Variants in MRTFA observed in about 807,000 individuals in gnomAD.
MRTFA encodes myocardin related transcription factor A, also known as myocardin-related transcription factor A.
MRTFA carries 20 observed loss-of-function variants against 83.5 expected under a neutral mutation model. The observed-to-expected ratio is 0.24, with a 90% CI of 0.17 to 0.35. The LOEUF (loss-of-function observed/expected upper bound fraction) is 0.35. Ranked by LOEUF, MRTFA falls within the 10% of genes least tolerant of loss-of-function variation. MRTFA has a pLI of 1.00. For synonymous variants in MRTFA, 659 were observed against 541.2 expected, an observed-to-expected ratio of 1.22 and a Z score of -3.02; for missense variants, 1,200 against 1,224.7, an observed-to-expected ratio of 0.98 and a Z score of 0.30.
chr22:40,433,358 T>C (rs1170550131), intron 5 of MRTFA: 1 of 152,190 alleles, frequency 6.6e-6, no homozygotes, highest in Non-Finnish European at 1.5e-5. Flanking sequence ...TTTGACAAGG[T>C]ACAGTGGTAG....
chr22:40,557,611 A>G (rs540173051), intron 2 of MRTFA, among the ~76,000 whole-genome samples: 1 of 152,038 alleles, frequency 6.6e-6, no homozygotes, highest in African/African-American at 2.4e-5. Context: ...TCTCTTTTTT[A>G]AAAAAAATTT....
intron 3 of MRTFA, among the ~76,000 whole-genome samples, chr22:40,471,521 T>C (rs1342818209): frequency 6.6e-6 from 1 of 152,134 alleles, no homozygotes; most frequent in Non-Finnish European, 1.5e-5. Flanking sequence ...GAGACTGAAA[T>C]AGTAATCTTC....
chr22:40,494,551 T>C (rs2054319236), intron 3 of MRTFA, among the ~76,000 whole-genome samples: 1 of 151,940 alleles, frequency 6.6e-6, no homozygotes, highest in Admixed American at 6.6e-5. Flanking sequence ...TATACTGGTG[T>C]GCACCTGTAA....
At chr22:40,496,918 T>G (rs1215652638) in intron 3 of MRTFA, among the ~76,000 whole-genome samples, 1 of 152,186 alleles carries the variant, frequency 6.6e-6, no homozygotes, top group East Asian at 1.9e-4. Flanking sequence ...GTAGACAAGG[T>G]GTCCTCTATC....
At chr22:40,608,414 T>C (rs990632201) in intron 1 of MRTFA, among the ~76,000 whole-genome samples, 2 of 152,186 alleles carry the variant, frequency 1.3e-5, no homozygotes, top group Admixed American at 6.5e-5. Context: ...TAGTGACAGA[T>C]GAAAAATTTT....
intron 3 of MRTFA, among the ~76,000 whole-genome samples, chr22:40,551,463 G>A (rs966751196): frequency 1.3e-5 from 2 of 152,158 alleles, no homozygotes; most frequent in African/African-American, 4.8e-5. Flanking sequence ...CCGCCTCCTA[G>A]TTCAATCGAT....
chr22:40,427,424 T>A (rs1029199768), intron 7 of MRTFA, among the ~76,000 whole-genome samples: 1 of 152,012 alleles, frequency 6.6e-6, no homozygotes, highest in East Asian at 1.9e-4. Flanking sequence ...TCAGCATGCG[T>A]TGGGGGTCTG....
chr22:40,629,363 T>C (rs1422064030), intron 1 of MRTFA, among the ~76,000 whole-genome samples: 1 of 151,720 alleles, frequency 6.6e-6, no homozygotes, highest in East Asian at 1.9e-4. Context: ...GGAGAATGGC[T>C]TGAACCCGGG....
At chr22:40,469,738 T>C (rs2053868143) in intron 3 of MRTFA, among the ~76,000 whole-genome samples, 1 of 152,054 alleles carries the variant, frequency 6.6e-6, no homozygotes, top group Admixed American at 6.5e-5. Context: ...TTCAGTACAT[T>C]TAAAAGGATT....
In MRTFA at chr22:40,411,841, A is replaced by T. The variant is rs763649046; in HGVS notation, c.2645T>A (p.Val882Asp). 14 of 1,507,852 alleles carry T rather than the reference A, an allele frequency of 9.3e-6. No homozygotes were observed. Among genetic ancestry groups the T allele is most frequent in the South Asian group, 1.3e-5 (1 of 74,248 alleles). The allele number at this position is 1,507,852 out of a possible 1,614,324, so 93.4% of individuals were successfully genotyped here. Reference sequence around the variant, plus strand: ...CTGTGCTGCCAGGGGGGACCCACAGACTGTCTTCGGGGATGGCTTCTCCTT... The same window carrying T: ...CTGTGCTGCCAGGGGGGACCCACAGTCTGTCTTCGGGGATGGCTTCTCCTT... Residue 882 changes from valine (V) to aspartate (D), a missense_variant, in exon 15 of 15, where the codon GTC becomes GAC. Physicochemically the swap from Val to Asp is radical, Grantham distance 152. Around this residue, in one of 2 missense-constraint regions of MRTFA, gnomAD observed 1,107 missense variants for 1,041.8 expected, o/e 1.06. Transcript: ENST00000355630.
At chr22:40,603,720 G>A (rs2056285504) in intron 1 of MRTFA, among the ~76,000 whole-genome samples, 1 of 151,340 alleles carries the variant, frequency 6.6e-6, no homozygotes, top group Non-Finnish European at 1.5e-5. Flanking sequence ...GAGGAGGTGT[G>A]GAGTAATATT....
At chr22:40,500,872 C>A (rs1375586437) in intron 3 of MRTFA, among the ~76,000 whole-genome samples, 10 of 151,290 alleles carry the variant, frequency 6.6e-5, no homozygotes, top group Non-Finnish European at 1.3e-4. Flanking sequence ...ACAAAGCCGC[C>A]ATTGTCATCC....
chr22:40,435,437 G>T, intron 5 of MRTFA, 62 bp downstream of exon 5: 1 of 1,510,794 alleles, frequency 6.6e-7, no homozygotes, highest in Non-Finnish European at 9.2e-7. Context: ...AATATAACCA[G>T]CAATGCAATG....
At chr22:40,477,972 C>T (rs527830560) in intron 3 of MRTFA, among the ~76,000 whole-genome samples, 5 of 152,054 alleles carry the variant, frequency 3.3e-5, no homozygotes, top group Non-Finnish European at 5.9e-5. Context: ...AGTACCCATT[C>T]ATTATTAAAA....
chr22:40,439,345 T>C (rs1420800031), intron 4 of MRTFA, among the ~76,000 whole-genome samples: 1 of 150,686 alleles, frequency 6.6e-6, no homozygotes, highest in African/African-American at 2.4e-5. Flanking sequence ...TCTACTAAAA[T>C]TACAGAAAAA....
At chr22:40,442,890 T>C (rs1489720509) in intron 4 of MRTFA, among the ~76,000 whole-genome samples, 1 of 152,114 alleles carries the variant, frequency 6.6e-6, no homozygotes, top group Non-Finnish European at 1.5e-5. Flanking sequence ...TAGTTTGATA[T>C]GGTTGAACCA....
At chr22:40,515,625 G>A (rs894993045) in intron 3 of MRTFA, among the ~76,000 whole-genome samples, 3 of 152,062 alleles carry the variant, frequency 2.0e-5, no homozygotes, top group South Asian at 2.1e-4. Flanking sequence ...CTCAGGTGGC[G>A]GAGGAACCTA....
intron 8 of MRTFA, among the ~76,000 whole-genome samples, chr22:40,423,934 T>C: frequency 6.6e-6 from 1 of 151,982 alleles, no homozygotes; most frequent in East Asian, 1.9e-4. Context: ...AATAAATGAA[T>C]ACAGACTGGG....
At chr22:40,635,220 G>A (rs1006899962) in intron 1 of MRTFA, among the ~76,000 whole-genome samples, 1 of 152,212 alleles carries the variant, frequency 6.6e-6, no homozygotes, top group African/African-American at 2.4e-5. Flanking sequence ...CTGTGGGCCA[G>A]CTGGCTGTAC....
Sources: gnomAD v4.1 joint callset for allele counts (sites outside exome capture counted in the v4.1 genomes callset) on GRCh38, gnomAD v4.1.1 for gene constraint, gnomAD v4.1.1 regional missense constraint, MANE v1.5 for transcripts, NCBI Gene and HGNC (gene_info 2026-07-23, HGNC 2026-07-21) for gene names.